ERICH1: variants seen among roughly 807,000 people sequenced by gnomAD.
The protein encoded by ERICH1 is glutamate-rich protein 1.
In ERICH1, 56 loss-of-function variants were observed where a neutral mutation model predicts 39.6. That is an observed-to-expected ratio of 1.41 (90% CI 1.14 to 1.77). The LOEUF is 1.77. Ranked by LOEUF, ERICH1 falls within the 40% of genes most tolerant of loss-of-function variation. The pLI is 0.00. For synonymous variants in ERICH1, 313 were observed against 223.6 expected, an observed-to-expected ratio of 1.40 and a Z score of -3.57; for missense variants, 826 against 575.4, an observed-to-expected ratio of 1.44 and a Z score of -4.45.
At chr8:616,345 A>C (rs1796895715) in intron 3 of ERICH1, 2 of 345,454 alleles carry the variant, frequency 5.8e-6, no homozygotes, top group Non-Finnish European at 1.1e-5. Context: ...GTTGCTGAAG[A>C]CAGGCTCCTG....
chr8:642,152 G>C (rs1285233115), intron 3 of ERICH1, among the ~76,000 whole-genome samples: 1 of 152,142 alleles, frequency 6.6e-6, no homozygotes, highest in Non-Finnish European at 1.5e-5. Context: ...CACAAGCTCT[G>C]CTTGGACACT....
At chr8:641,862 TG>T (rs1799027578) in intron 3 of ERICH1, among the ~76,000 whole-genome samples, 1 of 152,238 alleles carries the variant, frequency 6.6e-6, no homozygotes, top group African/African-American at 2.4e-5. Context: ...AACCCCACGG[TG>T]CCTCTGGCCG....
chr8:709,739 A>G (rs970155502), intron 2 of ERICH1, among the ~76,000 whole-genome samples: 2 of 152,212 alleles, frequency 1.3e-5, no homozygotes, highest in African/African-American at 2.4e-5. Context: ...GTGAAAAGCC[A>G]ATCACTTTAG....
chr8:690,231 T>C (rs1808596893), intron 3 of ERICH1, among the ~76,000 whole-genome samples: 1 of 152,212 alleles, frequency 6.6e-6, no homozygotes, highest in African/African-American at 2.4e-5. Context: ...TGACAAGCTG[T>C]GAGCCCAAAA....
chr8:721,686 G>T (rs1817353042), intron 1 of ERICH1, among the ~76,000 whole-genome samples: 1 of 152,206 alleles, frequency 6.6e-6, no homozygotes, highest in Non-Finnish European at 1.5e-5. Context: ...ATATGGACAC[G>T]ATTCTGTAAA....
intron 4 of ERICH1, chr8:671,996 C>T (rs1310927711): frequency 6.4e-6 from 1 of 155,786 alleles, no homozygotes; most frequent in East Asian, 1.9e-4. Flanking sequence ...GTCCTTTCCC[C>T]AGACCCTCAC....
intron 1 of ERICH1, among the ~76,000 whole-genome samples, chr8:728,218 G>T (rs1452044546): frequency 1.3e-5 from 2 of 152,222 alleles, no homozygotes; most frequent in African/African-American, 4.8e-5. Context: ...GGCTCCGCCA[G>T]CCCAACAGCA....
intron 2 of ERICH1, among the ~76,000 whole-genome samples, chr8:715,159 G>A (rs115698133): frequency 6.6e-6 from 1 of 151,840 alleles, no homozygotes; most frequent in Non-Finnish European, 1.5e-5. Flanking sequence ...CTGCACCCAG[G>A]TGGCCTCTTC....
intron 4 of ERICH1, among the ~76,000 whole-genome samples, chr8:671,294 C>G (rs13281961): frequency 5.3e-5 from 7 of 133,250 alleles, no homozygotes; most frequent in East Asian, 2.2e-4. Context: ...TCCCCAGGCT[C>G]CGACCTCTGA....
chr8:668,746 C>T lies in ERICH1; in HGVS notation c.1110G>A (p.Glu370=), dbSNP rs1292150166. ...GTGACGCAAGGCGGTCCAGCAGCTCCTCAGCGGCATCTGCGAGGGCAGCTG... is the reference window on the plus strand; with the variant it reads ...GTGACGCAAGGCGGTCCAGCAGCTCTTCAGCGGCATCTGCGAGGGCAGCTG... ...AASAALADAA[E]ELLDRLASHS... The change falls in exon 5 of 6, where the codon GAG becomes GAA. Residue 370 remains glutamate (E), a synonymous_variant. Transcript: ENST00000262109. 3.7e-6 allele frequency: 6 copies of T among 1,613,224 alleles called. No homozygotes were observed. The highest frequency in any genetic ancestry group is 5.1e-6 in the Non-Finnish European group (6 of 1,179,450).
chr8:656,898 C>G (rs1800733088), intron 3 of ERICH1: 2 of 946,950 alleles, frequency 2.1e-6, no homozygotes, highest in Non-Finnish European at 2.5e-6. Context: ...TGGATTAATT[C>G]ATTTAAGATA....
intron 2 of ERICH1, among the ~76,000 whole-genome samples, chr8:710,791 C>T (rs1362594258): frequency 6.6e-6 from 1 of 152,220 alleles, no homozygotes; most frequent in Non-Finnish European, 1.5e-5. Flanking sequence ...AGGACATCTT[C>T]GTTGCTTCCA....
intron 3 of ERICH1, among the ~76,000 whole-genome samples, chr8:688,425 C>G (rs988269688): frequency 1.3e-5 from 2 of 150,280 alleles, no homozygotes; most frequent in African/African-American, 4.9e-5. Flanking sequence ...CTCCGGCCTT[C>G]CTTAGCGCCG....
At chr8:651,299 T>G (rs1210398810) in intron 3 of ERICH1, among the ~76,000 whole-genome samples, 2 of 152,184 alleles carry the variant, frequency 1.3e-5, no homozygotes, top group African/African-American at 4.8e-5. Flanking sequence ...GACACTGGGT[T>G]GGGTGGGAGT....
chr8:720,138 C>T (rs1585668656), intron 1 of ERICH1, among the ~76,000 whole-genome samples: 1 of 152,348 alleles, frequency 6.6e-6, no homozygotes, highest in East Asian at 1.9e-4. Flanking sequence ...GACTGCTCTG[C>T]ACAAAAGAGG....
At chr8:657,275 G>C (rs1321998727) in intron 3 of ERICH1, among the ~76,000 whole-genome samples, 1 of 152,192 alleles carries the variant, frequency 6.6e-6, no homozygotes, top group East Asian at 1.9e-4. Flanking sequence ...TTCTCTTGGA[G>C]ACTAAGGGTA....
chr8:679,960 G>A (rs1805760801), intron 3 of ERICH1, among the ~76,000 whole-genome samples: 1 of 20,836 alleles, frequency 4.8e-5, no homozygotes, highest in African/African-American at 2.0e-4. Context: ...ATCCATAGCT[G>A]CCACCCCTGT....
At chr8:679,279 C>A (rs1221585380) in intron 3 of ERICH1, among the ~76,000 whole-genome samples, 1 of 146,478 alleles carries the variant, frequency 6.8e-6, no homozygotes, top group Non-Finnish European at 1.5e-5. Flanking sequence ...CCTCACAGCT[C>A]CTACTGCTCA....
At chr8:687,979 C>A (rs764425634) in intron 3 of ERICH1, among the ~76,000 whole-genome samples, 4 of 152,168 alleles carry the variant, frequency 2.6e-5, no homozygotes, top group Non-Finnish European at 4.4e-5. Flanking sequence ...CGCCGAGAGA[C>A]CTGCCCGGGT....
Sources: gnomAD v4.1 joint callset for allele counts (sites outside exome capture counted in the v4.1 genomes callset) on GRCh38, gnomAD v4.1.1 for gene constraint, MANE v1.5 for transcripts, NCBI Gene and HGNC (gene_info 2026-07-23, HGNC 2026-07-21) for gene names.